ACSL4: variants seen among roughly 807,000 people sequenced by gnomAD.
The protein encoded by ACSL4 is acyl-CoA synthetase long chain family member 4.
A neutral mutation model predicts 49.1 loss-of-function variants in ACSL4; 9 were observed. That is an observed-to-expected ratio of 0.18 (90% CI 0.11 to 0.32). The LOEUF (loss-of-function observed/expected upper bound fraction) is 0.32. Among genes scored for constraint, ACSL4 ranks in the 10% least tolerant of loss-of-function variants. The pLI is 1.00. For synonymous variants in ACSL4, 191 were observed against 170.3 expected (o/e 1.12, Z -0.95); for missense variants, 333 against 493.7 (o/e 0.67, Z 3.08).
chrX:109,701,903 C>A, intron 1 of ACSL4, among the ~76,000 whole-genome samples: 1 of 90,444 alleles, frequency 1.1e-5, no homozygotes. Context: ...CTGCAACTTG[C>A]TTTAAAAAAA....
In ACSL4 at chrX:109,665,401, C is replaced by T; in HGVS notation, c.1390+19G>A. 8.4e-7 allele frequency: 1 copy of T among 1,187,347 alleles called. No individual in the cohort carries two copies. The highest frequency in any genetic ancestry group is 1.1e-6 in the Non-Finnish European group (1 of 873,499). ...TTCAGCATATCTTGAATCACTAGAG[C>T]TTTTCATAAAATTCTTACCTTCTTG... On this transcript the variant is annotated intron_variant, in intron 12 of 15. Transcript: ENST00000672401.
chrX:109,677,195 C>T (rs1923782428), intron 8 of ACSL4, among the ~76,000 whole-genome samples: 1 of 110,027 alleles, frequency 9.1e-6, no homozygotes, highest in Non-Finnish European at 1.9e-5. Flanking sequence ...ATCTCCTGAC[C>T]TTGTGATCCA....
intron 1 of ACSL4, among the ~76,000 whole-genome samples, chrX:109,707,355 T>C (rs1351554017): frequency 8.9e-6 from 1 of 112,717 alleles, no homozygotes; most frequent in African/African-American, 3.2e-5. Context: ...AGGCACTTTA[T>C]ATACTGTTGA....
intron 15 of ACSL4, among the ~76,000 whole-genome samples, chrX:109,650,533 G>C (rs1249287176): frequency 9.7e-6 from 1 of 103,287 alleles, no homozygotes; most frequent in Non-Finnish European, 2.0e-5. Flanking sequence ...GTTGTGGGGT[G>C]GGGGGAAGGG....
At chrX:109,667,412 G>C (rs764142494) in intron 11 of ACSL4, among the ~76,000 whole-genome samples, 2 of 112,421 alleles carry the variant, frequency 1.8e-5, no homozygotes, top group Admixed American at 9.4e-5. Flanking sequence ...GGGAAACCTC[G>C]CTTCAGGCTG....
At chrX:109,678,498 C>A (rs1923913814) in intron 6 of ACSL4, 83 bp from the exon 7 acceptor site, 1 of 1,091,886 alleles carries the variant, frequency 9.2e-7, no homozygotes, top group South Asian at 1.9e-5. Context: ...TTAGATTTTG[C>A]ATAACGATAA....
At chrX:109,670,672 C>T (rs1985443739) in intron 9 of ACSL4, among the ~76,000 whole-genome samples, 1 of 110,370 alleles carries the variant, frequency 9.1e-6, no homozygotes, top group Non-Finnish European at 1.9e-5. Flanking sequence ...CCCTCTGATG[C>T]CGAGCGGAGG....
At chrX:109,665,797 C>T (rs1243395473) in intron 11 of ACSL4, among the ~76,000 whole-genome samples, 1 of 111,720 alleles carries the variant, frequency 9.0e-6, no homozygotes, top group Non-Finnish European at 1.9e-5. Flanking sequence ...GATTGGAATT[C>T]CTGCTCTACC....
At chrX:109,679,559 A>G (rs1192097437) in intron 6 of ACSL4, among the ~76,000 whole-genome samples, 1 of 112,473 alleles carries the variant, frequency 8.9e-6, no homozygotes, top group East Asian at 2.8e-4. Flanking sequence ...AACCAAGCAA[A>G]TAAGGACTGC....
chrX:109,649,556 C>A (rs1317408106), intron 15 of ACSL4, among the ~76,000 whole-genome samples: 2 of 111,677 alleles, frequency 1.8e-5, no homozygotes, highest in East Asian at 5.6e-4. Context: ...AACGTTAGAC[C>A]TAAAACCATA....
At chrX:109,732,403 T>C (rs1338053801) in intron 1 of ACSL4, among the ~76,000 whole-genome samples, 2 of 111,502 alleles carry the variant, frequency 1.8e-5, no homozygotes, top group East Asian at 5.6e-4. Context: ...TCCTAGATTT[T>C]TCTATGTCTA....
intron 5 of ACSL4, 62 bp downstream of exon 5, chrX:109,681,204 T>C: frequency 8.3e-7 from 1 of 1,201,496 alleles, no homozygotes; most frequent in Non-Finnish European, 1.1e-6. Flanking sequence ...ACTTACTGAA[T>C]GAATATTTTT....
intron 15 of ACSL4, among the ~76,000 whole-genome samples, chrX:109,644,928 C>T (rs1276702639): frequency 8.9e-6 from 1 of 112,954 alleles, no homozygotes. Flanking sequence ...CCTGGAAAAT[C>T]GGGTCACTCC....
chrX:109,715,252 A>T (rs1169755756), intron 1 of ACSL4, among the ~76,000 whole-genome samples: 1 of 112,414 alleles, frequency 8.9e-6, no homozygotes, highest in Non-Finnish European at 1.9e-5. Context: ...ATAGTATCAC[A>T]CTAGTGTTAT....
chrX:109,646,344 A>G (rs1023842186), intron 15 of ACSL4, among the ~76,000 whole-genome samples: 12 of 112,204 alleles, frequency 1.1e-4, no homozygotes, highest in African/African-American at 3.9e-4. Context: ...TCTACAAGCC[A>G]GAAGAGAGTG....
chrX:109,685,084 CTTTCTT>C (rs1173670726), intron 2 of ACSL4, among the ~76,000 whole-genome samples: 3 of 93,571 alleles, frequency 3.2e-5, no homozygotes, highest in African/African-American at 1.2e-4. Flanking sequence ...TATTTCTTTT[CTTTCTT>C]TTTTTTTTTT....
At chrX:109,682,335 A>G (rs1447413959) in intron 4 of ACSL4, among the ~76,000 whole-genome samples, 3 of 111,425 alleles carry the variant, frequency 2.7e-5, no homozygotes, top group African/African-American at 6.5e-5. Flanking sequence ...AAGTCAAATA[A>G]GAGGTCTCAA....
At chrX:109,676,407 C>T (rs945973930) in intron 8 of ACSL4, among the ~76,000 whole-genome samples, 1 of 111,728 alleles carries the variant, frequency 9.0e-6, no homozygotes, top group Non-Finnish European at 1.9e-5. Context: ...ACACTGAGGA[C>T]GTATCTTACC....
intron 1 of ACSL4, among the ~76,000 whole-genome samples, chrX:109,699,174 G>A (rs1925678398): frequency 9.0e-6 from 1 of 111,635 alleles, no homozygotes; most frequent in African/African-American, 3.3e-5. Flanking sequence ...TGAGACCAGC[G>A]TGGCCAACAT....
Sources: allele counts gnomAD v4.1 joint callset (sites outside exome capture counted in the v4.1 genomes callset), GRCh38; gene constraint gnomAD v4.1.1; transcripts MANE v1.5; gene names NCBI Gene and HGNC (gene_info 2026-07-23, HGNC 2026-07-21).